TENM2: variants seen among roughly 807,000 people sequenced by gnomAD.
TENM2 encodes teneurin transmembrane protein 2.
TENM2 carries 52 observed loss-of-function variants against 245.2 expected under a neutral mutation model. The ratio of observed to expected loss-of-function variants is 0.21; its 90% CI spans 0.17 to 0.27. The LOEUF (loss-of-function observed/expected upper bound fraction) is 0.27, where lower values mean the gene tolerates loss of function less well. TENM2 is among the 10% of genes least tolerant of loss of function. The pLI, the probability that TENM2 is intolerant of heterozygous loss-of-function variation, is 1.00. For synonymous variants in TENM2, 1,363 were observed against 1,438.9 expected, an observed-to-expected ratio of 0.95 and a Z score of 1.19; for missense variants, 3,046 against 3,666.8, an observed-to-expected ratio of 0.83 and a Z score of 4.37.
At chr5:168,108,363 G>A (rs570629595) in intron 9 of TENM2, among the ~76,000 whole-genome samples, 38 of 152,340 alleles carry the variant, frequency 2.5e-4, no homozygotes, top group African/African-American at 8.7e-4. Flanking sequence ...TGCTGCTCTA[G>A]TTAACTGAAC....
chr5:168,071,780 T>G (rs952472953), intron 7 of TENM2, among the ~76,000 whole-genome samples: 1 of 152,220 alleles, frequency 6.6e-6, no homozygotes, highest in Non-Finnish European at 1.5e-5. Context: ...CAAGGTGTTA[T>G]AATAACAATA....
At chr5:168,105,103 A>G (rs1794137547) in intron 9 of TENM2, among the ~76,000 whole-genome samples, 1 of 152,214 alleles carries the variant, frequency 6.6e-6, no homozygotes, top group Admixed American at 6.5e-5. Context: ...TTATAAAGCA[A>G]TAAAATGTGC....
chr5:167,132,621 G>T, the TENM2 span, among the ~76,000 whole-genome samples: 8 of 152,104 alleles, frequency 5.3e-5, no homozygotes, highest in African/African-American at 1.7e-4. Context: ...CCTGCATTTG[G>T]CATGTGACCC....
intron 2 of TENM2, among the ~76,000 whole-genome samples, chr5:167,702,060 T>G (rs573422191): frequency 9.2e-5 from 14 of 152,330 alleles, no homozygotes; most frequent in African/African-American, 2.9e-4. Context: ...TATTGAGAAC[T>G]ATAAAATGTG....
intron 2 of TENM2, among the ~76,000 whole-genome samples, chr5:167,669,765 G>A (rs751307515): frequency 3.9e-5 from 6 of 151,942 alleles, no homozygotes; most frequent in Non-Finnish European, 8.8e-5. Flanking sequence ...TAAGCAAAAC[G>A]GTTTAAAGTG....
At chr5:168,262,359 G>A in exon 29 of TENM2, 1 of 1,606,064 alleles carries the variant, frequency 6.2e-7, no homozygotes, top group Non-Finnish European at 8.5e-7. Context: ...GTGAAGATTG[G>A]CTCAGCCGAT....
chr5:167,823,497 A>G (rs1767710823), intron 2 of TENM2, among the ~76,000 whole-genome samples: 1 of 152,062 alleles, frequency 6.6e-6, no homozygotes. Context: ...CTCCTGCACC[A>G]TTTCTGGAAT....
intron 4 of TENM2, among the ~76,000 whole-genome samples, chr5:167,967,795 C>T (rs1205901198): frequency 6.6e-6 from 1 of 152,144 alleles, no homozygotes; most frequent in Non-Finnish European, 1.5e-5. Flanking sequence ...CAAATATTTC[C>T]ATCTCTGTCT....
chr5:167,084,042 TG>T, the TENM2 span, among the ~76,000 whole-genome samples: 6 of 151,912 alleles, frequency 3.9e-5, no homozygotes, highest in Non-Finnish European at 8.8e-5. Context: ...TAGATTTGAA[TG>T]TGTGAAATTA....
intron 2 of TENM2, among the ~76,000 whole-genome samples, chr5:167,628,389 T>G (rs1011431741): frequency 1.3e-5 from 2 of 152,202 alleles, no homozygotes; most frequent in African/African-American, 4.8e-5. Flanking sequence ...AGGTCCTCTG[T>G]TGTCTAGTTT....
At chr5:167,158,961 C>CT in the TENM2 span, among the ~76,000 whole-genome samples, 210 of 114,352 alleles carry the variant, frequency 1.8e-3, 1 homozygote, top group South Asian at 5.3e-3. Flanking sequence ...TTCTTTCTTT[C>CT]TTTTTTTTTT....
intron 2 of TENM2, among the ~76,000 whole-genome samples, chr5:167,689,040 G>A (rs530494464): frequency 9.2e-5 from 14 of 152,296 alleles, no homozygotes; most frequent in African/African-American, 2.6e-4. Flanking sequence ...TTTGGCGGTC[G>A]TTGAACTTCC....
intron 12 of TENM2, among the ~76,000 whole-genome samples, chr5:168,127,490 TTTA>T (rs1310428445): frequency 1.3e-5 from 2 of 152,200 alleles, no homozygotes; most frequent in East Asian, 3.9e-4. Flanking sequence ...CTGGTCCCAT[TTTA>T]TTCTCACTCA....
Position 168,233,734 on chromosome 5 carries a change from A to G in TENM2, c.5520+5604A>G, listed in dbSNP as rs11958109. On this transcript the variant is annotated intron_variant, in intron 25 of 28. Coordinates refer to ENST00000518659, the Ensembl canonical transcript of TENM2. ...AAGACATACCCAAGACTGGGAAGAA[A>G]AAGAAGTTTAATTGGACTTACTTAC... Among the ~76,000 whole-genome samples the G allele has an allele frequency of 7.3e-3, 1,107 of 152,320 alleles. 13 individuals carry two copies. The highest frequency in any genetic ancestry group is 0.025 in the African/African-American group (1,058 of 41,570).
chr5:167,121,857 A>G, the TENM2 span, among the ~76,000 whole-genome samples: 4 of 152,190 alleles, frequency 2.6e-5, no homozygotes, highest in African/African-American at 9.7e-5. Flanking sequence ...CCTTAGTAAA[A>G]CATTCATGGG....
chr5:167,879,719 C>T (rs1194143372), intron 3 of TENM2, among the ~76,000 whole-genome samples: 1 of 152,066 alleles, frequency 6.6e-6, no homozygotes, highest in Non-Finnish European at 1.5e-5. Flanking sequence ...TCATTAGTAG[C>T]ATCAAACTAT....
the TENM2 span, among the ~76,000 whole-genome samples, chr5:167,220,829 AT>A: frequency 0.21 from 31,234 of 146,454 alleles, 3,714 homozygotes; most frequent in African/African-American, 0.34. Flanking sequence ...TATCATACAC[AT>A]TTTTTTTTTT....
intron 2 of TENM2, among the ~76,000 whole-genome samples, chr5:167,781,038 C>T (rs139157727): frequency 2.2e-3 from 336 of 152,234 alleles, no homozygotes; most frequent in Admixed American, 6.5e-3. Context: ...AGGCCTGCTG[C>T]GGTGGCTCAC....
At chr5:168,056,610 T>G (rs1342564264) in intron 6 of TENM2, among the ~76,000 whole-genome samples, 1 of 152,188 alleles carries the variant, frequency 6.6e-6, no homozygotes, top group Non-Finnish European at 1.5e-5. Flanking sequence ...TTTTATTAAG[T>G]TAGTGTAGCC....
Sources: gnomAD v4.1 joint callset for allele counts (sites outside exome capture counted in the v4.1 genomes callset) on GRCh38, gnomAD v4.1.1 for gene constraint, MANE v1.5 for transcripts, NCBI Gene and HGNC (gene_info 2026-07-23, HGNC 2026-07-21) for gene names.